ADAMTS20: variants seen among roughly 807,000 people sequenced by gnomAD.
ADAMTS20 encodes the protein A disintegrin and metalloproteinase with thrombospondin motifs 20.
In ADAMTS20, 225 loss-of-function variants were observed where a neutral mutation model predicts 260.1. The observed-to-expected ratio is 0.87, with a 90% CI of 0.78 to 0.97. The LOEUF (loss-of-function observed/expected upper bound fraction) is 0.97. Ranked by LOEUF, ADAMTS20 falls within the 50% of genes least tolerant of loss-of-function variation. The probability of loss-of-function intolerance (pLI) is 0.00; values close to 1 mark genes in which losing one functional copy is unlikely to be tolerated. For synonymous variants in ADAMTS20, 802 were observed against 769.5 expected, an observed-to-expected ratio of 1.04 and a Z score of -0.70; for missense variants, 2,400 against 2,337.7, an observed-to-expected ratio of 1.03 and a Z score of -0.55.
At chr12:43,396,455 T>C (rs77754219) in intron 29 of ADAMTS20, among the ~76,000 whole-genome samples, 3,416 of 152,248 alleles carry the variant, frequency 0.022, 58 homozygotes, top group East Asian at 0.084. Context: ...TAATACATTA[T>C]TATATGTAGT....
chr12:43,442,621 T>C lies in ADAMTS20; in HGVS notation c.2290+1170A>G, dbSNP rs567734074. ...CCAGTCCCAGAAAGATATATTTGTC[T>C]ACATTTGGAATCTAAGAGATACCTA... is the stretch of plus-strand genomic sequence containing the variant. On this transcript the variant is annotated intron_variant, in intron 16 of 38. Transcript: ENST00000389420. Among the ~76,000 whole-genome samples, 4 of 152,328 alleles carry C rather than the reference T, an allele frequency of 2.6e-5. No individual in the cohort carries two copies. In the East Asian group the frequency reaches 5.8e-4, roughly 22 times the overall value.
At chr12:43,422,811 T>C (rs1941260937) in intron 28 of ADAMTS20, 1 of 152,098 alleles carries the variant, frequency 6.6e-6, no homozygotes, top group African/African-American at 2.4e-5. Context: ...TCTTGGTCAT[T>C]TGTTTTTGTG....
intron 7 of ADAMTS20, among the ~76,000 whole-genome samples, chr12:43,477,625 G>A (rs888778086): frequency 2.0e-5 from 3 of 152,100 alleles, no homozygotes; most frequent in Non-Finnish European, 2.9e-5. Context: ...GCACACATAT[G>A]CACTCTCTCT....
rs191945621 is a variant in ADAMTS20, at chr12:43,470,259, T to C, written c.1118-1554A>G. ...AGTAGGATTTATTAGTATTTTCAAT[T>C]TGCCAAATTACACAATTCCAATATT... On this transcript the variant is annotated intron_variant, in intron 7 of 38. Transcript: ENST00000389420. 2.0e-5 allele frequency among the ~76,000 whole-genome samples: 3 copies of C among 152,304 alleles called. No homozygotes were observed. The South Asian group carries it at 6.2e-4, about 32-fold the overall frequency.
chr12:43,374,297 A>G (rs1044327966), intron 36 of ADAMTS20, among the ~76,000 whole-genome samples: 19 of 152,094 alleles, frequency 1.2e-4, no homozygotes, highest in Admixed American at 1.0e-3. Flanking sequence ...ATTCATGCAT[A>G]TACTGTCTTA....
At chr12:43,391,363 A>G (rs1022914860) in intron 29 of ADAMTS20, among the ~76,000 whole-genome samples, 2 of 152,164 alleles carry the variant, frequency 1.3e-5, no homozygotes, top group Non-Finnish European at 2.9e-5. Flanking sequence ...GCAGCAGTGA[A>G]AAATAGTTGA....
In ADAMTS20 at chr12:43,434,389, G is replaced by T; in HGVS notation, c.2594-18C>A. 4 of 1,549,738 alleles carry T rather than the reference G, an allele frequency of 2.6e-6. No homozygotes were observed. Among genetic ancestry groups the T allele is most frequent in the Non-Finnish European group, 3.5e-6 (4 of 1,148,404 alleles). ...CTGAAGACCTTGGCCAAAGTCAAAT[G>T]AAAATAAAAAATGAAAGAAAAATTC... On this transcript the variant is annotated intron_variant, in intron 18 of 38. Coordinates refer to ENST00000389420, the MANE Select transcript of ADAMTS20 (RefSeq NM_025003.5).
chr12:43,453,983 A>G lies in ADAMTS20; in HGVS notation c.1684T>C (p.Trp562Arg). 6.2e-7 allele frequency: 1 copy of G among 1,613,712 alleles called. No individual in the cohort carries two copies. Among genetic ancestry groups the G allele is most frequent in the Non-Finnish European group, 8.5e-7 (1 of 1,179,782 alleles). The change falls in exon 12 of 39, where the codon TGG becomes CGG. Residue 562 changes from tryptophan (W) to arginine (R), a missense_variant. By Grantham distance (101) the Trp-to-Arg change is moderately radical. Coordinates refer to ENST00000389420, the MANE Select transcript of ADAMTS20 (RefSeq NM_025003.5). ...CTTGAACAAGAACTGTAAGGTTCCCATGGTCCCCATTCACCATTTACAGGA... is the reference window on the plus strand; with the variant it reads ...CTTGAACAAGAACTGTAAGGTTCCCGTGGTCCCCATTCACCATTTACAGGA... ...TRPVNGEWGP[W>R]EPYSSCSRTC...
In ADAMTS20 at chr12:43,439,954, A is replaced by G; in HGVS notation, c.2406T>C (p.Asn802=). 6.2e-7 allele frequency: 1 copy of G among 1,603,606 alleles called. No individual in the cohort carries two copies. The highest frequency in any genetic ancestry group is 8.5e-7 in the Non-Finnish European group (1 of 1,173,958). ...TACTATTAATTCTTTCAACTGCGTT[A>G]TTTGATCCACTGTATTCAATAACAG... ...TRTVIEYSGS[N]NAVERINSTN... is the part of the protein sequence containing the mutation. The change falls in exon 17 of 39, where the codon AAT becomes AAC. Residue 802 remains asparagine (N), a synonymous_variant. Coordinates refer to ENST00000389420, the MANE Select transcript of ADAMTS20 (RefSeq NM_025003.5).
At chr12:43,459,858 A>C (rs1418166014) in intron 11 of ADAMTS20, among the ~76,000 whole-genome samples, 1 of 152,200 alleles carries the variant, frequency 6.6e-6, no homozygotes, top group Non-Finnish European at 1.5e-5. Flanking sequence ...TACTCTTTTT[A>C]AAAAATAATT....
intron 14 of ADAMTS20, among the ~76,000 whole-genome samples, chr12:43,449,531 G>A (rs530437559): frequency 6.6e-6 from 1 of 151,942 alleles, no homozygotes; most frequent in Non-Finnish European, 1.5e-5. Context: ...GTAACTATTG[G>A]ATACTAGGCT....
intron 16 of ADAMTS20, among the ~76,000 whole-genome samples, chr12:43,442,344 G>A (rs537565503): frequency 8.7e-5 from 13 of 150,238 alleles, no homozygotes; most frequent in African/African-American, 2.0e-4. Flanking sequence ...TGCAACCTCC[G>A]CCCCCCAGAT....
At chr12:43,476,971 T>G (rs1468187751) in intron 7 of ADAMTS20, among the ~76,000 whole-genome samples, 2 of 132,842 alleles carry the variant, frequency 1.5e-5, no homozygotes, top group African/African-American at 5.9e-5. Flanking sequence ...AATGTGCACA[T>G]GTACCCTAAA....
Position 43,428,696 on chromosome 12 carries a change from G to T in ADAMTS20, c.3593C>A (p.Pro1198His), listed in dbSNP as rs1186116858. 1 of 1,612,204 alleles carries T rather than the reference G, an allele frequency of 6.2e-7. No individual in the cohort carries two copies. The highest frequency in any genetic ancestry group is 8.5e-7 in the Non-Finnish European group (1 of 1,178,784). The change falls in exon 25 of 39, where the codon CCT (proline) becomes CAT (histidine). Residue 1198 changes from proline (P) to histidine (H), a missense_variant. Coordinates refer to ENST00000389420, the MANE Select transcript of ADAMTS20 (RefSeq NM_025003.5). ...DESYCAHLPR[P>H]AEIWDCFTPC... Reference sequence around the variant, plus strand: ...GGTAAAACAGTCCCATATTTCAGCAGGTCGGGGTAAGTGGGCACAATATGA... The same window carrying T: ...GGTAAAACAGTCCCATATTTCAGCATGTCGGGGTAAGTGGGCACAATATGA...
chr12:43,437,046 G>A (rs921984541), intron 18 of ADAMTS20, among the ~76,000 whole-genome samples: 1 of 152,068 alleles, frequency 6.6e-6, no homozygotes, highest in Admixed American at 6.6e-5. Flanking sequence ...ACAGCGCAAG[G>A]TCAGTAGACA....
At chr12:43,451,870 C>T (rs1440344372) in intron 14 of ADAMTS20, among the ~76,000 whole-genome samples, 1 of 152,054 alleles carries the variant, frequency 6.6e-6, no homozygotes, top group Non-Finnish European at 1.5e-5. Flanking sequence ...TGACAGAGAG[C>T]TGGAAAGAGG....
chr12:43,435,709 C>T (rs1162451392), intron 18 of ADAMTS20, among the ~76,000 whole-genome samples: 1 of 117,134 alleles, frequency 8.5e-6, no homozygotes, highest in East Asian at 2.4e-4. Flanking sequence ...AAAAAAAAAA[C>T]ATGGATACAG....
intron 29 of ADAMTS20, among the ~76,000 whole-genome samples, chr12:43,385,477 C>T (rs957668637): frequency 5.1e-4 from 78 of 152,142 alleles, no homozygotes; most frequent in African/African-American, 1.8e-3. Flanking sequence ...TCAATTTTGG[C>T]TTTTGTTGCC....
chr12:43,551,744 C>G lies in ADAMTS20; in HGVS notation c.91+87G>C. ...AGCAGGGCCAGCGTTCCCCAACGGG[C>G]TGAGCCGCTCGTCCCCGCGACCTGC... is the stretch of plus-strand genomic sequence containing the variant. On this transcript the variant is annotated intron_variant, in intron 1 of 38. Transcript: ENST00000389420. The surrounding 1 kb of genome is among the most constrained non-coding windows in gnomAD (Gnocchi z 4.6). The G allele has an allele frequency of 1.4e-6, 2 of 1,384,596 alleles. No homozygotes were observed. Among genetic ancestry groups the G allele is most frequent in the South Asian group, 2.4e-5 (2 of 84,846 alleles). The allele number at this position is 1,384,596 out of a possible 1,614,324, so 85.8% of individuals were successfully genotyped here.
Sources: gnomAD v4.1 joint callset for allele counts (sites outside exome capture counted in the v4.1 genomes callset) on GRCh38, gnomAD v4.1.1 for gene constraint, Gnocchi (gnomAD v3.1) non-coding constraint, MANE v1.5 for transcripts, NCBI Gene and HGNC (gene_info 2026-07-23, HGNC 2026-07-21) for gene names.